The following SRCAP variants were observed in gnomAD, a reference collection of about 807,000 sequenced individuals.
The protein encoded by SRCAP is Snf2 related CREBBP activator protein.
SRCAP carries 46 observed loss-of-function variants against 263.1 expected under a neutral mutation model. The observed-to-expected ratio is 0.17, with a 90% CI of 0.14 to 0.22. The LOEUF (loss-of-function observed/expected upper bound fraction) is 0.22. Among genes scored for constraint, SRCAP ranks in the 10% least tolerant of loss-of-function variants. The pLI is 1.00. For synonymous variants in SRCAP, 1,813 were observed against 1,662.1 expected, an observed-to-expected ratio of 1.09 and a Z score of -2.21; for missense variants, 3,695 against 4,181.9, an observed-to-expected ratio of 0.88 and a Z score of 3.21.
intron 4 of SRCAP, 44 bp from the exon 5 acceptor site, chr16:30,707,139 G>T: frequency 6.5e-7 from 1 of 1,541,648 alleles, no homozygotes; most frequent in South Asian, 1.1e-5. Context: ...GTGAGATGGA[G>T]TGTGTGTTTA....
chr16:30,718,232 A>G (rs924898840), intron 18 of SRCAP, among the ~76,000 whole-genome samples: 3 of 152,010 alleles, frequency 2.0e-5, no homozygotes, highest in African/African-American at 7.3e-5. Flanking sequence ...GCTAGAGTGC[A>G]ATGGCACAAT....
chr16:30,707,868 A>G (rs1229575949), intron 6 of SRCAP, among the ~76,000 whole-genome samples, 156 bp downstream of exon 6: 1 of 152,126 alleles, frequency 6.6e-6, no homozygotes, highest in Non-Finnish European at 1.5e-5. Context: ...TAGTGGCAAA[A>G]TATGGGTCCT....
At chr16:30,712,888 T>G in intron 14 of SRCAP, 73 bp downstream of exon 14, 1 of 1,535,828 alleles carries the variant, frequency 6.5e-7, no homozygotes. Flanking sequence ...CTCAGGTGAA[T>G]TCCTTTCTCT....
chr16:30,735,208 G>A (rs1182035591), intron 31 of SRCAP, among the ~76,000 whole-genome samples: 2 of 139,160 alleles, frequency 1.4e-5, no homozygotes, highest in Non-Finnish European at 3.0e-5. Flanking sequence ...GTGCAGTGGC[G>A]GGATCTCGGC....
At position 30,734,735 on chromosome 16, in the gene SRCAP, G is replaced by A. The variant is rs1034258873; in HGVS notation, c.6729+120G>A. 5.5e-6 allele frequency: 8 copies of A among 1,453,718 alleles called. No individual in the cohort carries two copies. The African/African-American group carries it at 5.6e-5, about 10-fold the overall frequency. The allele number at this position is 1,453,718 out of a possible 1,614,324, so 90.1% of individuals were successfully genotyped here. On this transcript the variant is annotated intron_variant, in intron 31 of 33. Coordinates refer to ENST00000262518, the MANE Select transcript of SRCAP (RefSeq NM_006662.3). ...TGTTTCTTCTGCTTCCCAGATTACA[G>A]TCAGCCTTTGATAGTTGTAAGCACA...
rs761971000 is a variant in SRCAP, at chr16:30,733,780, G to A, written c.6476G>A (p.Arg2159Gln). 28 of 1,613,556 alleles carry A rather than the reference G, an allele frequency of 1.7e-5. No homozygotes were observed. Among genetic ancestry groups the A allele is most frequent in the Middle Eastern group, 3.3e-4 (2 of 6,084 alleles). The change falls in exon 29 of 34, where the codon CGG becomes CAG. Residue 2159 changes from arginine (R) to glutamine (Q), a missense_variant. Coordinates refer to ENST00000262518, the MANE Select transcript of SRCAP (RefSeq NM_006662.3). This position sits in a 1 kb window ranked among gnomAD's most constrained non-coding sequence, Gnocchi z 5.3. ...QDRCHRIGQT[R>Q]DVHIYRLISE... is the part of the protein sequence containing the mutation. Reference sequence around the variant, plus strand: ...CGCTGTCACCGAATTGGCCAGACCCGGGATGTCCACATATATAGGTATTGC... The same window carrying A: ...CGCTGTCACCGAATTGGCCAGACCCAGGATGTCCACATATATAGGTATTGC...
At chr16:30,719,119 C>G (rs1400197773) in intron 18 of SRCAP, among the ~76,000 whole-genome samples, 1 of 151,962 alleles carries the variant, frequency 6.6e-6, no homozygotes, top group Admixed American at 6.6e-5. Flanking sequence ...TGGTCTCGAA[C>G]TCCTGGCCTC....
At chr16:30,702,624 C>T (rs546184181) in intron 3 of SRCAP, among the ~76,000 whole-genome samples, 3 of 137,592 alleles carry the variant, frequency 2.2e-5, no homozygotes, top group African/African-American at 8.1e-5. Flanking sequence ...TCCCTCCTTC[C>T]TTCCTTCCTT....
rs567214931 is a variant in SRCAP at position 30,733,425 on chromosome 16, A to G, written c.6273A>G (p.Gly2091=). 1 of 1,614,090 alleles carries G rather than the reference A, an allele frequency of 6.2e-7. No homozygotes were observed. The highest frequency in any genetic ancestry group is 1.3e-5 in the African/African-American group (1 of 74,990). Residue 2091 remains glycine (G), a synonymous_variant, in exon 28 of 34, where the codon GGA becomes GGG. Transcript: ENST00000262518. The surrounding 1 kb of genome is among the most constrained non-coding windows in gnomAD (Gnocchi z 5.3). The part of the protein sequence containing the change: ...YHGHLYLRLD[G]STRVEQRQAL... ...GCCATCTCTACCTGCGCCTGGATGG[A>G]TCTACTAGAGTTGAACAGAGACAGG... is the stretch of plus-strand genomic sequence containing the variant.
intron 4 of SRCAP, among the ~76,000 whole-genome samples, chr16:30,706,981 C>G (rs916011431): frequency 1.3e-5 from 2 of 152,170 alleles, no homozygotes; most frequent in Non-Finnish European, 2.9e-5. Context: ...ATCACTTAAT[C>G]TCCCTGATCT....
At chr16:30,722,489 T>A in intron 22 of SRCAP, 74 bp from the exon 23 acceptor site, 1 of 1,565,758 alleles carries the variant, frequency 6.4e-7, no homozygotes, top group Non-Finnish European at 8.7e-7. Flanking sequence ...TCTTTTCTTC[T>A]CTTCTTGCCT....
In SRCAP at chr16:30,739,827, A is replaced by C; in HGVS notation, c.*94A>C. Reference sequence around the variant, plus strand: ...ACCACTACTTGAAGTCTTGAGGGGGAAAGCCTCCAGGGAGACATAGGGGCC... The same window carrying C: ...ACCACTACTTGAAGTCTTGAGGGGGCAAGCCTCCAGGGAGACATAGGGGCC... On this transcript the variant is annotated 3_prime_UTR_variant, in exon 34 of 34. Transcript: ENST00000262518. 2.1e-6 allele frequency: 3 copies of C among 1,419,700 alleles called. No homozygotes were observed. The highest frequency in any genetic ancestry group is 2.8e-6 in the Non-Finnish European group (3 of 1,083,884). The allele number at this position is 1,419,700 out of a possible 1,614,324, so 87.9% of individuals were successfully genotyped here.
intron 18 of SRCAP, among the ~76,000 whole-genome samples, chr16:30,719,720 C>T (rs556708928): frequency 6.6e-6 from 1 of 152,174 alleles, no homozygotes; most frequent in East Asian, 1.9e-4. Flanking sequence ...TACTATGTTG[C>T]CTAGGGTGAT....
intron 24 of SRCAP, 84 bp from the exon 25 acceptor site, chr16:30,723,500 C>G (rs1289078140): frequency 6.6e-7 from 1 of 1,524,200 alleles, no homozygotes; most frequent in Non-Finnish European, 8.8e-7. Context: ...AAATGGGAAG[C>G]TTGGGGGTAT....
At chr16:30,723,469 TG>T in intron 24 of SRCAP, 114 bp from the exon 25 acceptor site, 1 of 1,503,978 alleles carries the variant, frequency 6.6e-7, no homozygotes, top group Non-Finnish European at 8.8e-7. Context: ...CTTCATGTTG[TG>T]GGAGTGAATG....
intron 3 of SRCAP, 117 bp from the exon 4 acceptor site, chr16:30,703,947 A>T: frequency 8.2e-7 from 1 of 1,212,910 alleles, no homozygotes; most frequent in Non-Finnish European, 1.1e-6. Context: ...TATGAAAATA[A>T]GGTTTATACC....
In SRCAP at chr16:30,739,538, G is replaced by A. The variant is rs1394409002; in HGVS notation, c.9498G>A (p.Glu3166=). Reference sequence around the variant, plus strand: ...AGCCCCCAAGTCCCCTGGGGCCTGAGGGTTCAGTAGAGGAGTCTGAGGCTG... The same window carrying A: ...AGCCCCCAAGTCCCCTGGGGCCTGAAGGTTCAGTAGAGGAGTCTGAGGCTG... ...RLQPPSPLGP[E]GSVEESEAEA... The change falls in exon 34 of 34, where the codon GAG becomes GAA. Residue 3166 remains glutamate (E), a synonymous_variant. Transcript: ENST00000262518. 6.2e-7 allele frequency: 1 copy of A among 1,611,110 alleles called. No individual in the cohort carries two copies. Among genetic ancestry groups the A allele is most frequent in the South Asian group, 1.1e-5 (1 of 90,882 alleles).
rs774689471 is a variant in SRCAP, at chr16:30,723,623, C to T, written c.4199C>T (p.Pro1400Leu). Residue 1400 changes from proline (P) to leucine (L), a missense_variant, in exon 25 of 34, where the codon CCT (proline) becomes CTT (leucine). This residue lies in a region of SRCAP where 1,347 missense variants were observed against 1,304.4 expected (regional missense o/e 1.03). Transcript: ENST00000262518. ...GCTGCCCCCTTGACCATCTCTTCTC[C>T]TCTCCACGTGCCATCCTCCCTCCCT... ...PGAAPLTISS[P>L]LHVPSSLPGP... 2 of 1,613,286 alleles carry T rather than the reference C, an allele frequency of 1.2e-6. No homozygotes were observed. Among genetic ancestry groups the T allele is most frequent in the African/African-American group, 2.7e-5 (2 of 74,842 alleles).
rs1260768315 is a variant in SRCAP, at chr16:30,738,961, C to T, written c.8921C>T (p.Pro2974Leu). ...ACACAGCCACCCCCACACCCATCACCCCTAACCCCACTCCCACCACTGCTA... is the reference window on the plus strand; with the variant it reads ...ACACAGCCACCCCCACACCCATCACTCCTAACCCCACTCCCACCACTGCTA... ...SRTQPPPHPS[P>L]LTPLPPLLVC... The change falls in exon 34 of 34, where the codon CCC becomes CTC. Residue 2974 changes from proline (P) to leucine (L), a missense_variant. Pro to Leu is a moderately conservative substitution (Grantham distance 98). This residue lies in a region of SRCAP where 1,207 missense variants were observed against 1,142.9 expected (regional missense o/e 1.06). Coordinates refer to ENST00000262518, the MANE Select transcript of SRCAP (RefSeq NM_006662.3). 2 of 1,613,566 alleles carry T rather than the reference C, an allele frequency of 1.2e-6. No individual in the cohort carries two copies. Among genetic ancestry groups the T allele is most frequent in the Admixed American group, 1.7e-5 (1 of 59,944 alleles).
Sources: allele counts gnomAD v4.1 joint callset (sites outside exome capture counted in the v4.1 genomes callset), GRCh38; gene constraint gnomAD v4.1.1; regional missense constraint gnomAD v4.1.1; non-coding constraint Gnocchi (gnomAD v3.1); transcripts MANE v1.5; gene names NCBI Gene and HGNC (gene_info 2026-07-23, HGNC 2026-07-21).